The following LEPR variants were observed in gnomAD, a reference collection of about 807,000 sequenced individuals.
The protein encoded by LEPR is leptin receptor.
In LEPR, 56 loss-of-function variants were observed where a neutral mutation model predicts 114.7. That is an observed-to-expected ratio of 0.49 (90% confidence interval 0.39 to 0.61). LEPR has a LOEUF of 0.61. Ranked by LOEUF, LEPR falls within the 20% of genes least tolerant of loss-of-function variation. The probability of loss-of-function intolerance (pLI) is 0.00; values close to 1 mark genes in which losing one functional copy is unlikely to be tolerated. For synonymous variants in LEPR, 443 were observed against 461.4 expected (o/e 0.96, Z 0.51); for missense variants, 1,202 against 1,352.9 (o/e 0.89, Z 1.75).
chr1:65,487,787 A>G (rs1647570300), intron 2 of LEPR, among the ~76,000 whole-genome samples: 1 of 152,074 alleles, frequency 6.6e-6, no homozygotes, highest in Admixed American at 6.6e-5. Flanking sequence ...ACAGGCTACA[A>G]TGTGTAACAC....
At chr1:65,426,238 T>TACAGATCTCTAGG (rs1646364017) in intron 2 of LEPR, among the ~76,000 whole-genome samples, 4 of 152,018 alleles carry the variant, frequency 2.6e-5, no homozygotes, top group African/African-American at 7.3e-5. Context: ...CCCGGAGACA[T>TACAGATCTCTAGG]GAAAGTGTAT....
At chr1:65,483,024 G>A (rs942415458) in intron 2 of LEPR, among the ~76,000 whole-genome samples, 1 of 150,582 alleles carries the variant, frequency 6.6e-6, no homozygotes, top group African/African-American at 2.4e-5. Flanking sequence ...GAAGGTAAAA[G>A]TCTACAAAGG....
chr1:65,558,501 G>GTTTTTTTTTATTTTTTTTTTTTTTTTT (rs1652992867), intron 2 of LEPR, among the ~76,000 whole-genome samples: 2 of 23,168 alleles, frequency 8.6e-5, no homozygotes, highest in Non-Finnish European at 1.6e-4. Context: ...GTTTCTTAAT[G>GTTTTTTTTTATTTTTTTTTTTTTTTTT]TTTTTTTTTT....
intron 2 of LEPR, among the ~76,000 whole-genome samples, chr1:65,438,559 A>AG (rs1646599212): frequency 6.6e-6 from 1 of 151,310 alleles, no homozygotes; most frequent in East Asian, 1.9e-4. Flanking sequence ...AAAAAAAAAA[A>AG]AAAAAAAAAA....
intron 2 of LEPR, among the ~76,000 whole-genome samples, chr1:65,526,674 A>AT (rs1338164321): frequency 6.6e-6 from 1 of 152,110 alleles, no homozygotes; most frequent in Non-Finnish European, 1.5e-5. Flanking sequence ...TGTGATTTCC[A>AT]TTTTATTACC....
rs1472203907 is a variant in LEPR at position 65,640,761 on chromosome 1, T to C, written c.*3746T>C. On this transcript the variant is annotated 3_prime_UTR_variant, in exon 20 of 20. Coordinates refer to ENST00000349533, the MANE Select transcript of LEPR (RefSeq NM_002303.6). The stretch of plus-strand genomic sequence containing the variant: ...TATAAACATTAGGAGATGATTTCCA[T>C]GGCTTTTTTTTTTTTTTTTTTAGGA... 2 of 139,912 alleles carry C rather than the reference T, an allele frequency of 1.4e-5. No homozygotes were observed. The highest frequency in any genetic ancestry group is 3.0e-5 in the Non-Finnish European group (2 of 66,018). 8.7% of individuals were successfully genotyped at this position (139,912 alleles called of 1,614,324 possible).
chr1:65,495,273 A>T (rs1271431624), intron 2 of LEPR, among the ~76,000 whole-genome samples: 1 of 152,198 alleles, frequency 6.6e-6, no homozygotes, highest in Non-Finnish European at 1.5e-5. Context: ...GAAGATGTAC[A>T]GATGGCCAAC....
chr1:65,438,899 A>G lies in LEPR; in HGVS notation c.-21+13521A>G, dbSNP rs567367909. ...GCTCAAAAGCTTTTAGAGAACTGCT[A>G]AACCTCATGTACTTCTGGGCAGTAT... On this transcript the variant is annotated intron_variant, in intron 2 of 19. Coordinates refer to ENST00000349533, the MANE Select transcript of LEPR (RefSeq NM_002303.6). Among the ~76,000 whole-genome samples, 3 of 152,294 alleles carry G rather than the reference A, an allele frequency of 2.0e-5. 1 individual carries two copies. Among genetic ancestry groups the G allele is most frequent in the Non-Finnish European group, 4.4e-5 (3 of 68,014 alleles).
intron 5 of LEPR, among the ~76,000 whole-genome samples, chr1:65,578,659 C>G (rs1432745423): frequency 2.0e-5 from 3 of 152,180 alleles, no homozygotes; most frequent in Non-Finnish European, 4.4e-5. Context: ...TCCTCACATT[C>G]AATCACTGTT....
At chr1:65,536,383 C>T (rs1403581568) in intron 2 of LEPR, among the ~76,000 whole-genome samples, 2 of 152,132 alleles carry the variant, frequency 1.3e-5, no homozygotes, top group African/African-American at 4.8e-5. Flanking sequence ...CGGTGCCATG[C>T]TTCTTGTATC....
At chr1:65,586,187 T>C (rs1655305570) in intron 5 of LEPR, among the ~76,000 whole-genome samples, 1 of 152,058 alleles carries the variant, frequency 6.6e-6, no homozygotes, top group Non-Finnish European at 1.5e-5. Flanking sequence ...AAGACTTCAG[T>C]TGAGTTCCAG....
intron 2 of LEPR, among the ~76,000 whole-genome samples, chr1:65,465,670 G>A (rs1267458962): frequency 6.6e-6 from 1 of 152,160 alleles, no homozygotes; most frequent in Non-Finnish European, 1.5e-5. Flanking sequence ...AAGTCTCTTT[G>A]TAGGTCTCTA....
At chr1:65,522,838 G>T (rs1570604882) in intron 2 of LEPR, among the ~76,000 whole-genome samples, 3 of 147,420 alleles carry the variant, frequency 2.0e-5, no homozygotes. Context: ...TCCTTTTAGG[G>T]TTTTTTTTTT....
In LEPR at chr1:65,488,218, C is replaced by CTT. The variant is rs1189228267; in HGVS notation, c.-21+62841_-21+62842insTT. ...TTTCTTTCTTTCTTTCTTTCTCTCT[C>CTT]TCTCTCTCTCTTTCTTTCTTTCTTT... On this transcript the variant is annotated intron_variant, in intron 2 of 19. Coordinates refer to ENST00000349533, the MANE Select transcript of LEPR (RefSeq NM_002303.6). 3.4e-4 allele frequency among the ~76,000 whole-genome samples: 22 copies of CTT among 65,534 alleles called. 1 individual carries two copies. Among genetic ancestry groups the CTT allele is most frequent in the South Asian group, 1.2e-3 (2 of 1,618 alleles). 43.0% of individuals were successfully genotyped at this position (65,534 alleles called of 152,430 possible). A position where few individuals can be genotyped will look rare whatever the true frequency, so the allele number is the denominator to read the frequency against.
At chr1:65,568,012 T>G (rs144301520) in intron 3 of LEPR, among the ~76,000 whole-genome samples, 97 of 152,326 alleles carry the variant, frequency 6.4e-4, no homozygotes, top group African/African-American at 2.3e-3. Flanking sequence ...TATCTGCAGC[T>G]TTAGAAACAT....
intron 5 of LEPR, among the ~76,000 whole-genome samples, chr1:65,581,893 A>G (rs1446705506): frequency 2.0e-5 from 3 of 152,240 alleles, no homozygotes; most frequent in Non-Finnish European, 2.9e-5. Flanking sequence ...GCTCTCTGCT[A>G]CTACACAAGA....
intron 2 of LEPR, among the ~76,000 whole-genome samples, chr1:65,547,951 A>G (rs1364980535): frequency 1.3e-5 from 2 of 150,928 alleles, no homozygotes; most frequent in Non-Finnish European, 2.9e-5. Flanking sequence ...ATTTAGTGCT[A>G]TAAATTTCTC....
intron 2 of LEPR, among the ~76,000 whole-genome samples, chr1:65,505,314 C>T (rs1024125791): frequency 3.3e-5 from 5 of 152,010 alleles, no homozygotes; most frequent in Non-Finnish European, 2.9e-5. Context: ...TAAAATGTCT[C>T]GTAATTTTCC....
At chr1:65,550,814 G>A (rs973856662) in intron 2 of LEPR, among the ~76,000 whole-genome samples, 7 of 152,242 alleles carry the variant, frequency 4.6e-5, no homozygotes, top group East Asian at 2.0e-4. Context: ...CGCACAGCGC[G>A]CTGCACCCAC....
Sources: gnomAD v4.1 joint callset for allele counts (sites outside exome capture counted in the v4.1 genomes callset) on GRCh38, gnomAD v4.1.1 for gene constraint, MANE v1.5 for transcripts, NCBI Gene and HGNC (gene_info 2026-07-23, HGNC 2026-07-21) for gene names.